DTD1: variants seen among roughly 807,000 people sequenced by gnomAD.
The protein encoded by DTD1 is D-tyrosyl-tRNA deacylase 1 homolog.
DTD1 carries 13 observed loss-of-function variants against 25.6 expected under a neutral mutation model. That is an observed-to-expected ratio of 0.51 (90% CI 0.33 to 0.81). DTD1 has a LOEUF of 0.81. Ranked by LOEUF, DTD1 falls within the 30% of genes least tolerant of loss-of-function variation. The pLI is 0.02. For synonymous variants in DTD1, 110 were observed against 103.6 expected (o/e 1.06, Z -0.37); for missense variants, 193 against 266.4 (o/e 0.72, Z 1.92).
intron 4 of DTD1, among the ~76,000 whole-genome samples, chr20:18,634,071 T>C (rs1362214115): frequency 6.6e-6 from 1 of 152,216 alleles, no homozygotes; most frequent in African/African-American, 2.4e-5. Context: ...GCCTGGTGCA[T>C]TTTTTGCAGG....
chr20:18,723,255 G>T (rs1174723432), intron 4 of DTD1, among the ~76,000 whole-genome samples: 1 of 152,198 alleles, frequency 6.6e-6, no homozygotes, highest in African/African-American at 2.4e-5. Flanking sequence ...TGTCTAGAGG[G>T]GCAGGGGAAG....
Position 18,765,986 on chromosome 20 carries a change from C to G in DTD1, c.*2646C>G, listed in dbSNP as rs115050254. The G allele has an allele frequency of 6.6e-6, 1 of 152,126 alleles. No homozygotes were observed. The highest frequency in any genetic ancestry group is 1.5e-5 in the Non-Finnish European group (1 of 68,042). 9.4% of individuals were successfully genotyped at this position (152,126 alleles called of 1,614,324 possible). A position where few individuals can be genotyped will look rare whatever the true frequency, so the allele number is the denominator to read the frequency against. On this transcript the variant is annotated 3_prime_UTR_variant, in exon 6 of 6. Coordinates refer to ENST00000377452, the MANE Select transcript of DTD1 (RefSeq NM_080820.6). ...GCATAGCAGGACCCATTTAATCTTG[C>G]CTTTGGTGGTTTACTTTACAGGAGA...
chr20:18,622,104 A>G (rs571106825), intron 3 of DTD1, among the ~76,000 whole-genome samples: 13 of 152,228 alleles, frequency 8.5e-5, no homozygotes, highest in African/African-American at 3.1e-4. Flanking sequence ...TCTGGGATAC[A>G]TGTGCAGAAC....
At chr20:18,654,881 C>A (rs1467308816) in intron 4 of DTD1, among the ~76,000 whole-genome samples, 1 of 152,046 alleles carries the variant, frequency 6.6e-6, no homozygotes, top group Non-Finnish European at 1.5e-5. Context: ...AAGTCTCTTA[C>A]ATTGCTAAAA....
intron 4 of DTD1, among the ~76,000 whole-genome samples, chr20:18,686,291 T>G (rs898841116): frequency 2.0e-5 from 3 of 152,276 alleles, no homozygotes; most frequent in African/African-American, 4.8e-5. Flanking sequence ...ATAATGTGAA[T>G]GTATCAGCTT....
chr20:18,726,856 A>G (rs557942362), intron 4 of DTD1, among the ~76,000 whole-genome samples: 141 of 152,294 alleles, frequency 9.3e-4, no homozygotes, highest in Non-Finnish European at 1.7e-3. Context: ...TGTCTTCTTA[A>G]GATGCTGCTT....
chr20:18,682,202 A>G (rs1299255763), intron 4 of DTD1, among the ~76,000 whole-genome samples: 2 of 152,208 alleles, frequency 1.3e-5, no homozygotes, highest in Non-Finnish European at 2.9e-5. Context: ...AGCCCCTCAT[A>G]TGCTCATCTC....
At chr20:18,595,957 G>T in intron 2 of DTD1, 49 bp from the exon 3 acceptor site, 1 of 1,539,764 alleles carries the variant, frequency 6.5e-7, no homozygotes, top group Non-Finnish European at 9.0e-7. Flanking sequence ...GAGTGTGTTG[G>T]GGGGCTTGTG....
At chr20:18,588,201 CCTTGGGGCCG>C in intron 1 of DTD1, 86 bp downstream of exon 1, 1 of 1,149,892 alleles carries the variant, frequency 8.7e-7, no homozygotes, top group Non-Finnish European at 1.1e-6. Flanking sequence ...CCTGCGCCAT[CCTTGGGGCCG>C]CTGCGGCCCC....
At chr20:18,715,524 A>T (rs2061176729) in intron 4 of DTD1, among the ~76,000 whole-genome samples, 1 of 152,180 alleles carries the variant, frequency 6.6e-6, no homozygotes, top group South Asian at 2.1e-4. Context: ...TTGGGGTGGG[A>T]TGGCCATCGA....
chr20:18,637,615 TG>T (rs994804334), intron 4 of DTD1, among the ~76,000 whole-genome samples: 1 of 152,190 alleles, frequency 6.6e-6, no homozygotes, highest in African/African-American at 2.4e-5. Context: ...GAAGTGTTAA[TG>T]GAACTAGAAT....
chr20:18,597,994 T>A (rs2060618588), intron 3 of DTD1, among the ~76,000 whole-genome samples: 1 of 152,208 alleles, frequency 6.6e-6, no homozygotes, highest in Non-Finnish European at 1.5e-5. Context: ...TTTGTCTTTT[T>A]TTGTAAAAAA....
At chr20:18,741,895 GTAT>G (rs144637414) in intron 4 of DTD1, among the ~76,000 whole-genome samples, 42,103 of 116,056 alleles carry the variant, frequency 0.36, 6,331 homozygotes, top group South Asian at 0.51. Context: ...GCTAACCTTT[GTAT>G]TTTTTTTTTT....
At chr20:18,636,860 TAGTG>T (rs1330545057) in intron 4 of DTD1, among the ~76,000 whole-genome samples, 2 of 152,178 alleles carry the variant, frequency 1.3e-5, no homozygotes, top group African/African-American at 4.8e-5. Flanking sequence ...GGGTTGGTGG[TAGTG>T]TTCCTCAAAC....
chr20:18,617,589 AT>A (rs1009199554), intron 3 of DTD1, among the ~76,000 whole-genome samples: 2 of 152,006 alleles, frequency 1.3e-5, no homozygotes, highest in Non-Finnish European at 2.9e-5. Context: ...AGGTAGTAGG[AT>A]GAGGTAGTTC....
At chr20:18,628,377 G>GT in intron 4 of DTD1, 144 bp downstream of exon 4, 1 of 659,108 alleles carries the variant, frequency 1.5e-6, no homozygotes, top group Middle Eastern at 4.2e-4. Context: ...AAGAGTGCAT[G>GT]TTTACGGTGC....
At chr20:18,714,677 C>G (rs2061173179) in intron 4 of DTD1, among the ~76,000 whole-genome samples, 1 of 152,124 alleles carries the variant, frequency 6.6e-6, no homozygotes, top group South Asian at 2.1e-4. Flanking sequence ...TGAAGCTGTC[C>G]TTTAGGAGCA....
chr20:18,613,555 A>T (rs1216300746), intron 3 of DTD1, among the ~76,000 whole-genome samples: 1 of 152,156 alleles, frequency 6.6e-6, no homozygotes, highest in Non-Finnish European at 1.5e-5. Context: ...TTTTATTCCC[A>T]CTAGTCTGGC....
At chr20:18,661,421 GA>G (rs2060909723) in intron 4 of DTD1, among the ~76,000 whole-genome samples, 1 of 137,868 alleles carries the variant, frequency 7.3e-6, no homozygotes, top group East Asian at 2.3e-4. Flanking sequence ...GCCCAGGCTA[GA>G]GTGCAGTGGT....
Sources: gnomAD v4.1 joint callset for allele counts (sites outside exome capture counted in the v4.1 genomes callset) on GRCh38, gnomAD v4.1.1 for gene constraint, MANE v1.5 for transcripts, NCBI Gene and HGNC (gene_info 2026-07-23, HGNC 2026-07-21) for gene names.